The following OR52N4 variants were observed in gnomAD, a reference collection of about 807,000 sequenced individuals.
OR52N4 encodes olfactory receptor 52N4.
OR52N4 carries 15 observed loss-of-function variants against 15.0 expected under a neutral mutation model. The observed-to-expected ratio is 1.00, with a 90% CI of 0.67 to 1.54. OR52N4 has a LOEUF of 1.54. Among genes scored for constraint, OR52N4 ranks in the 40% most tolerant of loss-of-function variants. The pLI is 0.00. For missense variants in OR52N4, 421 were observed against 394.0 expected, an observed-to-expected ratio of 1.07 and a Z score of -0.58; for synonymous variants, 143 against 143.7, an observed-to-expected ratio of 1.00 and a Z score of 0.03.
upstream of OR52N4, among the ~76,000 whole-genome samples, chr11:5,752,424 T>C (rs1475619850): frequency 6.6e-6 from 1 of 152,180 alleles, no homozygotes; most frequent in Non-Finnish European, 1.5e-5. Context: ...AAACAGTGTA[T>C]TTTATTAATG....
the OR52N4 span, chr11:5,737,395 T>C: frequency 6.2e-7 from 1 of 1,614,066 alleles, no homozygotes; most frequent in Admixed American, 1.7e-5. Flanking sequence ...TCATCCCCCC[T>C]TCCCTCAACC....
chr11:5,731,117 C>A, the OR52N4 span, among the ~76,000 whole-genome samples: 1 of 152,080 alleles, frequency 6.6e-6, no homozygotes, highest in South Asian at 2.1e-4. Flanking sequence ...ATTTGAAGAG[C>A]AATGAAAACT....
the OR52N4 span, among the ~76,000 whole-genome samples, chr11:5,744,063 A>G: frequency 6.6e-6 from 1 of 152,312 alleles, no homozygotes; most frequent in East Asian, 1.9e-4. Context: ...CCACAGAAAT[A>G]TAAAAGATTA....
the OR52N4 span, among the ~76,000 whole-genome samples, chr11:5,732,690 C>G: frequency 1.3e-5 from 2 of 152,212 alleles, no homozygotes; most frequent in African/African-American, 4.8e-5. Context: ...GCTAAAACAT[C>G]TATTTGTGCT....
the OR52N4 span, among the ~76,000 whole-genome samples, chr11:5,729,461 A>C: frequency 6.6e-6 from 1 of 152,152 alleles, no homozygotes; most frequent in African/African-American, 2.4e-5. Context: ...ATACAATTCT[A>C]ACACTACAGT....
At chr11:5,747,941 GA>G in the OR52N4 span, among the ~76,000 whole-genome samples, 4 of 151,960 alleles carry the variant, frequency 2.6e-5, no homozygotes, top group African/African-American at 9.7e-5. Flanking sequence ...AATAAATGGG[GA>G]CCCTAATACA....
chr11:5,749,361 G>A (rs532532534), upstream of OR52N4, among the ~76,000 whole-genome samples: 1 of 152,104 alleles, frequency 6.6e-6, no homozygotes, highest in South Asian at 2.1e-4. Flanking sequence ...TAGTTGGAAG[G>A]AAGAAGCATT....
the OR52N4 span, among the ~76,000 whole-genome samples, chr11:5,744,357 T>A: frequency 6.6e-6 from 1 of 152,198 alleles, no homozygotes; most frequent in African/African-American, 2.4e-5. Context: ...ACTGGTTCTA[T>A]GATGCTTGTT....
Position 5,755,078 on chromosome 11 carries a change from A to C in OR52N4, c.338A>C (p.Glu113Ala). ...MFFTHTFTGMESGVLMLMALD... is the reference protein window; with the variant it reads ...MFFTHTFTGMASGVLMLMALD... ...TTCACCCACACCTTCACAGGGATGG[A>C]GTCTGGGGTGCTTATGCTTATGGCC... Residue 113 changes from glutamate to alanine, a missense_variant, in exon 2 of 2, where the codon GAG becomes GCG. By Grantham distance (107) the Glu-to-Ala change is moderately radical. Coordinates refer to ENST00000641350, the MANE Select transcript of OR52N4 (RefSeq NM_001005175.5). 6.2e-7 allele frequency: 1 copy of C among 1,614,030 alleles called. No individual in the cohort carries two copies. Among genetic ancestry groups the C allele is most frequent in the South Asian group, 1.1e-5 (1 of 91,078 alleles).
At chr11:5,735,903 G>A in the OR52N4 span, 1 of 153,040 alleles carries the variant, frequency 6.5e-6, no homozygotes, top group South Asian at 2.1e-4. Flanking sequence ...ACTAAAAAAT[G>A]AATAGAGTTG....
the OR52N4 span, among the ~76,000 whole-genome samples, chr11:5,746,767 A>G: frequency 4.6e-5 from 7 of 152,232 alleles, no homozygotes; most frequent in South Asian, 2.1e-4. Flanking sequence ...TTAGAACCAC[A>G]GTTTGAACCA....
chr11:5,737,118 G>C, the OR52N4 span: 1 of 1,614,010 alleles, frequency 6.2e-7, no homozygotes, highest in Non-Finnish European at 8.5e-7. Context: ...TGTGATGACA[G>C]GAGGCCAAAC....
At chr11:5,746,457 C>A in the OR52N4 span, among the ~76,000 whole-genome samples, 252 of 152,172 alleles carry the variant, frequency 1.7e-3, no homozygotes, top group Non-Finnish European at 2.7e-3. Context: ...AACAAGAACA[C>A]AAATAACACC....
At chr11:5,751,820 T>C (rs1854197351), upstream of OR52N4, among the ~76,000 whole-genome samples, 1 of 152,154 alleles carries the variant, frequency 6.6e-6, no homozygotes, top group African/African-American at 2.4e-5. Context: ...GAGGGAAATA[T>C]TATTAAAGAG....
chr11:5,739,899 G>T, the OR52N4 span, among the ~76,000 whole-genome samples: 1 of 128,262 alleles, frequency 7.8e-6, no homozygotes, highest in Non-Finnish European at 1.7e-5. Flanking sequence ...GTCAACTTTT[G>T]CATGAGGACT....
At chr11:5,731,491 C>T in the OR52N4 span, among the ~76,000 whole-genome samples, 1 of 152,198 alleles carries the variant, frequency 6.6e-6, no homozygotes, top group South Asian at 2.1e-4. Context: ...CTTTTCTCTA[C>T]ATTAAAAATA....
chr11:5,728,866 G>A, the OR52N4 span, among the ~76,000 whole-genome samples: 3 of 152,010 alleles, frequency 2.0e-5, no homozygotes, highest in Admixed American at 2.0e-4. Flanking sequence ...GGCTGTCACT[G>A]GTTTTAATTT....
the OR52N4 span, among the ~76,000 whole-genome samples, chr11:5,742,008 C>T: frequency 6.6e-6 from 1 of 151,886 alleles, no homozygotes; most frequent in Non-Finnish European, 1.5e-5. Context: ...GAAGGAATTA[C>T]AAAATACAGT....
chr11:5,736,630 GC>G, the OR52N4 span: 51 of 1,613,976 alleles, frequency 3.2e-5, no homozygotes, highest in Non-Finnish European at 4.3e-5. Flanking sequence ...GGCTATCTCT[GC>G]CCCTGGCACT....
Sources: gnomAD v4.1 joint callset for allele counts (sites outside exome capture counted in the v4.1 genomes callset) on GRCh38, gnomAD v4.1.1 for gene constraint, MANE v1.5 for transcripts, NCBI Gene and HGNC (gene_info 2026-07-23, HGNC 2026-07-21) for gene names.